Variants in SRPK2 observed in about 807,000 individuals in gnomAD.
SRPK2 encodes SFRS protein kinase 2.
Under a neutral mutation model 90.8 loss-of-function variants are expected in SRPK2, and 21 were observed. The observed-to-expected ratio is 0.23, with a 90% CI of 0.16 to 0.33. The LOEUF is 0.33. Ranked by LOEUF, SRPK2 falls within the 10% of genes least tolerant of loss-of-function variation. SRPK2 has a pLI of 1.00. For missense variants in SRPK2, 620 were observed against 869.0 expected (o/e 0.71, Z 3.60); for synonymous variants, 288 against 311.1 (o/e 0.93, Z 0.78).
chr7:105,393,843 C>A (rs1256220706), upstream of SRPK2, among the ~76,000 whole-genome samples: 1 of 152,014 alleles, frequency 6.6e-6, no homozygotes, highest in African/African-American at 2.4e-5. Context: ...GTAGGAGGAT[C>A]ACTTGAGCCC....
chr7:105,170,893 A>AGG (rs1790876375), intron 3 of SRPK2, among the ~76,000 whole-genome samples: 8 of 122,594 alleles, frequency 6.5e-5, no homozygotes, highest in Non-Finnish European at 1.1e-4. Flanking sequence ...GAAAGAAAGA[A>AGG]AGAAAGAAAG....
chr7:105,311,141 A>AT (rs1439408346), intron 2 of SRPK2, among the ~76,000 whole-genome samples: 1 of 152,216 alleles, frequency 6.6e-6, no homozygotes, highest in Non-Finnish European at 1.5e-5. Context: ...TCTGCACATC[A>AT]TATATCTGAT....
chr7:105,364,138 C>G (rs1356936134), intron 2 of SRPK2, among the ~76,000 whole-genome samples: 1 of 152,004 alleles, frequency 6.6e-6, no homozygotes, highest in Non-Finnish European at 1.5e-5. Context: ...ACATATGTAA[C>G]AAACCTGCAT....
chr7:105,288,969 A>G (rs1808557473), intron 2 of SRPK2, among the ~76,000 whole-genome samples: 1 of 152,100 alleles, frequency 6.6e-6, no homozygotes, highest in South Asian at 2.1e-4. Flanking sequence ...TTAAAAAATA[A>G]CTTCCAGCCA....
intron 6 of SRPK2, among the ~76,000 whole-genome samples, chr7:105,163,788 G>T (rs187308636): frequency 1.3e-5 from 2 of 152,054 alleles, no homozygotes; most frequent in East Asian, 1.9e-4. Flanking sequence ...TCCAGCCTGC[G>T]CAACAAGAGC....
intron 3 of SRPK2, among the ~76,000 whole-genome samples, chr7:105,176,619 G>GTC (rs1184357367): frequency 1.1e-4 from 1 of 9,490 alleles, no homozygotes; most frequent in Non-Finnish European, 2.6e-4. Context: ...GTATACGTGT[G>GTC]TGTATATATA....
intron 7 of SRPK2, among the ~76,000 whole-genome samples, chr7:105,157,488 G>C (rs1806683945): frequency 6.6e-6 from 1 of 152,198 alleles, no homozygotes; most frequent in Non-Finnish European, 1.5e-5. Context: ...CAGGTAAGTA[G>C]ATTATTAACT....
intron 2 of SRPK2, among the ~76,000 whole-genome samples, chr7:105,237,556 CTAAATACTACT>C (rs1306031738): frequency 6.6e-6 from 1 of 152,176 alleles, no homozygotes; most frequent in Non-Finnish European, 1.5e-5. Context: ...AAAAGGAACT[CTAAATACTACT>C]TAAATCTCAA....
intron 2 of SRPK2, among the ~76,000 whole-genome samples, chr7:105,356,622 A>G (rs1455371303): frequency 6.6e-6 from 1 of 152,172 alleles, no homozygotes. Flanking sequence ...TGGGGCAAAA[A>G]AAGACAATTT....
chr7:105,269,074 G>A, intron 2 of SRPK2: 1 of 1,214,590 alleles, frequency 8.2e-7, no homozygotes, highest in Non-Finnish European at 1.0e-6. Flanking sequence ...GCACATGACT[G>A]TTTATGAAAG....
intron 3 of SRPK2, among the ~76,000 whole-genome samples, chr7:105,179,824 C>CAAAAA (rs1185836588): frequency 7.5e-4 from 45 of 60,218 alleles, no homozygotes; most frequent in Admixed American, 3.5e-3. Context: ...GAGTCCATCT[C>CAAAAA]AAAAAAAAAA....
At chr7:105,187,614 C>CT (rs1793757589) in intron 3 of SRPK2, among the ~76,000 whole-genome samples, 2 of 152,058 alleles carry the variant, frequency 1.3e-5, no homozygotes, top group South Asian at 2.1e-4. Context: ...CTTGAAAACT[C>CT]TTTTTTTATA....
At position 105,167,987 on chromosome 7, in the gene SRPK2, TCA is replaced by T; in HGVS notation, c.426+19_426+20del. On this transcript the variant is annotated intron_variant, in intron 5 of 15. Coordinates refer to ENST00000393651, the MANE Select transcript of SRPK2 (RefSeq NM_182692.3). ...AAGTCATTAAGTTTTCTTATATCAT[TCA>T]CATTTTTAAAGTACTTACACATTTG... 1.3e-6 allele frequency: 2 copies of T among 1,547,926 alleles called. No individual in the cohort carries two copies. The highest frequency in any genetic ancestry group is 1.8e-6 in the Non-Finnish European group (2 of 1,133,548).
intron 2 of SRPK2, among the ~76,000 whole-genome samples, chr7:105,356,060 T>TTAAA (rs1430465116): frequency 6.6e-6 from 1 of 151,894 alleles, no homozygotes; most frequent in African/African-American, 2.4e-5. Flanking sequence ...ATAAATTAAA[T>TTAAA]TAAATAAATA....
At chr7:105,262,100 GT>G (rs2045050286) in intron 2 of SRPK2, among the ~76,000 whole-genome samples, 2 of 152,142 alleles carry the variant, frequency 1.3e-5, no homozygotes, top group South Asian at 4.1e-4. Context: ...GTTCTGAAAG[GT>G]TTGCTCTGGC....
chr7:105,292,801 C>T (rs1809234262), intron 2 of SRPK2, among the ~76,000 whole-genome samples: 2 of 152,144 alleles, frequency 1.3e-5, no homozygotes, highest in Non-Finnish European at 2.9e-5. Context: ...ATAAAGTTTT[C>T]CTTAAACCAT....
At chr7:105,183,870 A>G (rs1354654192) in intron 3 of SRPK2, among the ~76,000 whole-genome samples, 1 of 152,228 alleles carries the variant, frequency 6.6e-6, no homozygotes, top group Non-Finnish European at 1.5e-5. Flanking sequence ...TCATACACAC[A>G]AATACAACTA....
intron 2 of SRPK2, among the ~76,000 whole-genome samples, chr7:105,357,563 G>A (rs55735534): frequency 3.9e-5 from 6 of 152,010 alleles, no homozygotes; most frequent in Non-Finnish European, 7.4e-5. Flanking sequence ...AGCCAACATG[G>A]TGAAACCCCA....
intron 3 of SRPK2, among the ~76,000 whole-genome samples, chr7:105,198,069 T>C (rs532181169): frequency 1.3e-5 from 2 of 152,364 alleles, no homozygotes; most frequent in South Asian, 2.1e-4. Context: ...GCACGTATAG[T>C]ATGAAGGGTG....
Sources: gnomAD v4.1 joint callset for allele counts (sites outside exome capture counted in the v4.1 genomes callset) on GRCh38, gnomAD v4.1.1 for gene constraint, MANE v1.5 for transcripts, NCBI Gene and HGNC (gene_info 2026-07-23, HGNC 2026-07-21) for gene names.